NR6A1: variants seen among roughly 807,000 people sequenced by gnomAD.
NR6A1 encodes the protein nuclear receptor subfamily 6 group A member 1.
NR6A1 carries 7 observed loss-of-function variants against 59.1 expected under a neutral mutation model. The observed-to-expected ratio is 0.12, with a 90% CI of 0.07 to 0.22. NR6A1 has a LOEUF of 0.22. Ranked by LOEUF, NR6A1 falls within the 10% of genes least tolerant of loss-of-function variation. The pLI, the probability that NR6A1 is intolerant of heterozygous loss-of-function variation, is 1.00. For missense variants in NR6A1, 468 were observed against 611.6 expected (o/e 0.77, Z 2.48); for synonymous variants, 243 against 236.1 (o/e 1.03, Z -0.27).
At position 124,673,942 on chromosome 9, in the gene NR6A1, C is replaced by T. The variant is rs553484231; in HGVS notation, c.142+59366G>A. On this transcript the variant is annotated intron_variant, in intron 2 of 9. Transcript: ENST00000487099. Reference sequence around the variant, plus strand: ...TCTAGCTAATTACTATTTTCCATCACATATTAGGTGGTAATTAAGATCTTG... The same window carrying T: ...TCTAGCTAATTACTATTTTCCATCATATATTAGGTGGTAATTAAGATCTTG... 2.6e-5 allele frequency among the ~76,000 whole-genome samples: 4 copies of T among 152,300 alleles called. No homozygotes were observed. The South Asian group carries it at 8.3e-4, about 32-fold the overall frequency.
intron 4 of NR6A1, among the ~76,000 whole-genome samples, chr9:124,541,665 C>T (rs1833452018): frequency 6.6e-6 from 1 of 152,184 alleles, no homozygotes; most frequent in Admixed American, 6.5e-5. Context: ...TATGATCCAG[C>T]AATCCCATCT....
At chr9:124,696,155 C>G (rs529070541) in intron 2 of NR6A1, among the ~76,000 whole-genome samples, 91 of 152,116 alleles carry the variant, frequency 6.0e-4, no homozygotes, top group Non-Finnish European at 1.6e-4. Context: ...GACTTGTGAG[C>G]AAGGCGCAAA....
chr9:124,589,473 TA>T (rs933703307), intron 2 of NR6A1, among the ~76,000 whole-genome samples: 56 of 151,746 alleles, frequency 3.7e-4, no homozygotes, highest in African/African-American at 8.2e-4. Context: ...AAATAAAAAA[TA>T]AAAAAAATAA....
intron 9 of NR6A1, 66 bp downstream of exon 9, chr9:124,524,655 G>C: frequency 6.4e-7 from 1 of 1,566,578 alleles, no homozygotes; most frequent in Admixed American, 1.8e-5. Context: ...AACACTGCTT[G>C]CCTCATTCCC....
intron 1 of NR6A1, among the ~76,000 whole-genome samples, chr9:124,759,612 T>C (rs894994409): frequency 6.6e-6 from 1 of 152,236 alleles, no homozygotes; most frequent in African/African-American, 2.4e-5. Context: ...CAATTCTCAG[T>C]GCTTAGGATA....
intron 2 of NR6A1, among the ~76,000 whole-genome samples, chr9:124,714,996 G>A (rs1036357937): frequency 3.9e-4 from 59 of 151,626 alleles, no homozygotes; most frequent in African/African-American, 1.4e-3. Context: ...TCAAGAGATC[G>A]ACACCATCCT....
chr9:124,739,798 G>A lies in NR6A1; in HGVS notation c.101-6449C>T, dbSNP rs77484675. On this transcript the variant is annotated intron_variant, in intron 1 of 9. Coordinates refer to ENST00000487099, the MANE Select transcript of NR6A1 (RefSeq NM_033334.4). ...GAGTATCACCAGTCAGCAAATTAAG[G>A]TGTGAAACACTAGCTAATTATACTC... Among the ~76,000 whole-genome samples the A allele has an allele frequency of 3.7e-4, 57 of 152,298 alleles. No individual in the cohort carries two copies. The East Asian group carries it at 9.8e-3, about 26-fold the overall frequency.
intron 2 of NR6A1, among the ~76,000 whole-genome samples, chr9:124,581,595 A>C (rs1007767666): frequency 6.6e-6 from 1 of 152,188 alleles, no homozygotes; most frequent in Non-Finnish European, 1.5e-5. Flanking sequence ...CGTCTCAAAA[A>C]ACAAACGAAC....
At chr9:124,656,874 G>T (rs1236976064) in intron 2 of NR6A1, among the ~76,000 whole-genome samples, 1 of 152,094 alleles carries the variant, frequency 6.6e-6, no homozygotes, top group African/African-American at 2.4e-5. Context: ...GTAGAATGAT[G>T]GTTGTCCCCA....
intron 2 of NR6A1, among the ~76,000 whole-genome samples, chr9:124,641,722 T>C (rs550606317): frequency 2.0e-5 from 3 of 152,288 alleles, no homozygotes; most frequent in African/African-American, 7.2e-5. Context: ...GGGAAATTAG[T>C]TGGGAAGGTA....
At chr9:124,707,617 C>T (rs547631941) in intron 2 of NR6A1, among the ~76,000 whole-genome samples, 7 of 151,970 alleles carry the variant, frequency 4.6e-5, no homozygotes, top group African/African-American at 1.4e-4. Flanking sequence ...GTGCTTTTGG[C>T]AACTCTGGAT....
chr9:124,738,344 C>T (rs1840074430), intron 1 of NR6A1, among the ~76,000 whole-genome samples: 1 of 152,060 alleles, frequency 6.6e-6, no homozygotes, highest in Non-Finnish European at 1.5e-5. Flanking sequence ...CAGAATACAA[C>T]ATATTAAACA....
chr9:124,555,404 A>C (rs1422839851), intron 2 of NR6A1, among the ~76,000 whole-genome samples: 2 of 152,200 alleles, frequency 1.3e-5, no homozygotes, highest in African/African-American at 4.8e-5. Flanking sequence ...AAGACAAGAA[A>C]TCAGATATTT....
At chr9:124,763,253 G>A (rs143402759) in intron 1 of NR6A1, among the ~76,000 whole-genome samples, 1 of 152,174 alleles carries the variant, frequency 6.6e-6, no homozygotes, top group African/African-American at 2.4e-5. Context: ...AAGTGGAAAA[G>A]TCTTTTTGAA....
intron 1 of NR6A1, among the ~76,000 whole-genome samples, chr9:124,734,134 A>G (rs550529160): frequency 1.4e-4 from 21 of 152,328 alleles, no homozygotes; most frequent in African/African-American, 4.6e-4. Context: ...ATTTCCTCAG[A>G]AAAGTTTTCT....
chr9:124,673,326 A>G (rs1837851339), intron 2 of NR6A1, among the ~76,000 whole-genome samples: 1 of 152,174 alleles, frequency 6.6e-6, no homozygotes, highest in Non-Finnish European at 1.5e-5. Flanking sequence ...AGTTAACCAC[A>G]ACTACTGAAG....
chr9:124,698,180 A>C (rs1001012348), intron 2 of NR6A1: 5 of 152,216 alleles, frequency 3.3e-5, no homozygotes, highest in Admixed American at 2.6e-4. Context: ...ATAAGCATAA[A>C]CTATTTCAAC....
At chr9:124,739,816 T>C (rs1368357412) in intron 1 of NR6A1, among the ~76,000 whole-genome samples, 2 of 152,246 alleles carry the variant, frequency 1.3e-5, no homozygotes, top group African/African-American at 4.8e-5. Context: ...CACTAGCTAA[T>C]TATACTCTAT....
intron 1 of NR6A1, among the ~76,000 whole-genome samples, chr9:124,750,800 T>C (rs1564267129): frequency 6.6e-6 from 1 of 151,562 alleles, no homozygotes; most frequent in Admixed American, 6.6e-5. Context: ...CATGACCAGT[T>C]AAGGAAAAAA....
Sources: gnomAD v4.1 joint callset for allele counts (sites outside exome capture counted in the v4.1 genomes callset) on GRCh38, gnomAD v4.1.1 for gene constraint, MANE v1.5 for transcripts, NCBI Gene and HGNC (gene_info 2026-07-23, HGNC 2026-07-21) for gene names.